The following VRK2 variants were observed in gnomAD, a reference collection of about 807,000 sequenced individuals.
VRK2 encodes VRK serine/threonine kinase 2, also known as serine/threonine-protein kinase VRK2.
In VRK2, 60 loss-of-function variants were observed where a neutral mutation model predicts 57.6. The observed-to-expected ratio is 1.04, with a 90% CI of 0.85 to 1.29. The LOEUF (loss-of-function observed/expected upper bound fraction) is 1.29, where lower values mean the gene tolerates loss of function less well. Ranked by LOEUF, VRK2 falls within the 50% of genes most tolerant of loss-of-function variation. The pLI, the probability that VRK2 is intolerant of heterozygous loss-of-function variation, is 0.00. For synonymous variants in VRK2, 231 were observed against 199.2 expected, an observed-to-expected ratio of 1.16 and a Z score of -1.35; for missense variants, 705 against 588.1, an observed-to-expected ratio of 1.20 and a Z score of -2.06.
At chr2:57,943,748 G>A (rs572948346) in intron 1 of VRK2, among the ~76,000 whole-genome samples, 2 of 152,302 alleles carry the variant, frequency 1.3e-5, no homozygotes, top group Non-Finnish European at 1.5e-5. Flanking sequence ...TTTGGCCGAG[G>A]AAAGGGTAAG....
At chr2:58,018,387 G>A (rs1305578035) in intron 1 of VRK2, among the ~76,000 whole-genome samples, 2 of 152,138 alleles carry the variant, frequency 1.3e-5, no homozygotes, top group African/African-American at 4.8e-5. Flanking sequence ...ATCGTACCTT[G>A]TTAATTCTAA....
intron 1 of VRK2, among the ~76,000 whole-genome samples, chr2:58,002,768 A>G (rs1310964791): frequency 2.6e-5 from 4 of 152,206 alleles, no homozygotes; most frequent in African/African-American, 9.6e-5. Context: ...TACAATATAA[A>G]GTTTGTAAAT....
intron 1 of VRK2, among the ~76,000 whole-genome samples, chr2:57,972,722 A>G (rs1001708413): frequency 6.6e-6 from 1 of 151,910 alleles, no homozygotes; most frequent in African/African-American, 2.4e-5. Context: ...AAACATATAA[A>G]TTTGTTTATC....
At chr2:58,058,282 G>A in intron 2 of VRK2, 1 of 453,952 alleles carries the variant, frequency 2.2e-6, no homozygotes, top group South Asian at 1.6e-5. Context: ...TGATGAATTT[G>A]CCTTTTAATA....
chr2:57,947,341 C>A (rs1303538598), intron 1 of VRK2, among the ~76,000 whole-genome samples: 3 of 152,034 alleles, frequency 2.0e-5, no homozygotes, highest in Non-Finnish European at 2.9e-5. Context: ...TGTTGTTGGG[C>A]ACCAAATATT....
chr2:57,973,388 A>C (rs1485415898), intron 1 of VRK2, among the ~76,000 whole-genome samples: 2 of 151,936 alleles, frequency 1.3e-5, no homozygotes, highest in Non-Finnish European at 2.9e-5. Flanking sequence ...GACTAATAAG[A>C]AACAGATTAT....
At chr2:57,965,450 AACT>A (rs987418783) in intron 1 of VRK2, among the ~76,000 whole-genome samples, 1 of 152,224 alleles carries the variant, frequency 6.6e-6, no homozygotes, top group Non-Finnish European at 1.5e-5. Flanking sequence ...GAACCAGAGT[AACT>A]GCAGCACTGG....
chr2:58,040,913 A>T, intron 3 of VRK2: 1 of 534,510 alleles, frequency 1.9e-6, no homozygotes, highest in Non-Finnish European at 2.4e-6. Flanking sequence ...TAAAAACATG[A>T]CTTACATGAC....
chr2:58,025,270 T>A (rs1477336554), intron 1 of VRK2, among the ~76,000 whole-genome samples: 1 of 152,140 alleles, frequency 6.6e-6, no homozygotes, highest in East Asian at 1.9e-4. Flanking sequence ...TCATATTTTT[T>A]TTTTTTTTAA....
intron 8 of VRK2, among the ~76,000 whole-genome samples, chr2:58,129,766 G>T (rs1558673676): frequency 6.6e-6 from 1 of 152,148 alleles, no homozygotes; most frequent in Non-Finnish European, 1.5e-5. Flanking sequence ...GGAATTTCAG[G>T]TAGAGGTATG....
At chr2:58,031,399 G>T (rs752888535) in intron 2 of VRK2, among the ~76,000 whole-genome samples, 1 of 152,096 alleles carries the variant, frequency 6.6e-6, no homozygotes. Context: ...GCTTGGGAGG[G>T]ATATATTTTT....
intron 1 of VRK2, among the ~76,000 whole-genome samples, chr2:57,984,316 A>G (rs1042464658): frequency 6.6e-6 from 1 of 152,170 alleles, no homozygotes; most frequent in Admixed American, 6.5e-5. Context: ...GTGCAGTACA[A>G]CTAAATGTAT....
At chr2:57,948,371 G>C (rs1480063526) in intron 1 of VRK2, among the ~76,000 whole-genome samples, 1 of 152,054 alleles carries the variant, frequency 6.6e-6, no homozygotes. Context: ...AGCCATTTGG[G>C]GGAAGGAAAG....
At chr2:58,133,556 T>A (rs1171612159) in intron 9 of VRK2, among the ~76,000 whole-genome samples, 1 of 152,212 alleles carries the variant, frequency 6.6e-6, no homozygotes, top group East Asian at 1.9e-4. Context: ...TTATGCCTTT[T>A]ATTTTCCTGA....
intron 7 of VRK2, among the ~76,000 whole-genome samples, chr2:58,091,982 G>A (rs994664902): frequency 1.3e-5 from 2 of 152,196 alleles, no homozygotes; most frequent in Non-Finnish European, 2.9e-5. Context: ...GAAAGTTAGT[G>A]GAAGGGAATT....
intron 10 of VRK2, among the ~76,000 whole-genome samples, chr2:58,138,251 T>G (rs1680826923): frequency 6.6e-6 from 1 of 152,186 alleles, no homozygotes; most frequent in Non-Finnish European, 1.5e-5. Flanking sequence ...ATCATCCCTT[T>G]AGAAATTGGA....
At chr2:57,948,543 AT>A (rs1671329345) in intron 1 of VRK2, among the ~76,000 whole-genome samples, 1 of 152,158 alleles carries the variant, frequency 6.6e-6, no homozygotes, top group Non-Finnish European at 1.5e-5. Context: ...TGGTCCTTAG[AT>A]GGCCTCTAGT....
intron 2 of VRK2, among the ~76,000 whole-genome samples, chr2:58,068,135 G>T (rs999483487): frequency 4.6e-5 from 7 of 151,912 alleles, no homozygotes; most frequent in Non-Finnish European, 7.4e-5. Flanking sequence ...TCACCATGTT[G>T]CCCAGGCTGG....
chr2:58,065,140 C>G (rs1668442066), intron 2 of VRK2, among the ~76,000 whole-genome samples: 1 of 151,884 alleles, frequency 6.6e-6, no homozygotes, highest in African/African-American at 2.4e-5. Flanking sequence ...GTACTTGTAT[C>G]TTTTTTCTTA....
Sources: allele counts gnomAD v4.1 joint callset (sites outside exome capture counted in the v4.1 genomes callset), GRCh38; gene constraint gnomAD v4.1.1; transcripts MANE v1.5; gene names NCBI Gene and HGNC (gene_info 2026-07-23, HGNC 2026-07-21).